UBE2D3: variants seen among roughly 807,000 people sequenced by gnomAD.
UBE2D3 encodes ubiquitin-conjugating enzyme E2 D3.
Under a neutral mutation model 22.8 loss-of-function variants are expected in UBE2D3, and 2 were observed. The observed-to-expected ratio is 0.09, with a 90% CI of 0.04 to 0.28. The LOEUF is 0.28. Ranked by LOEUF, UBE2D3 falls within the 10% of genes least tolerant of loss-of-function variation. The pLI, the probability that UBE2D3 is intolerant of heterozygous loss-of-function variation, is 1.00. For synonymous variants in UBE2D3, 56 were observed against 60.4 expected (o/e 0.93, Z 0.34); for missense variants, 27 against 182.5 (o/e 0.15, Z 4.91).
intron 1 of UBE2D3, among the ~76,000 whole-genome samples, chr4:102,838,248 C>G (rs1731530294): frequency 1.3e-5 from 2 of 152,142 alleles, no homozygotes; most frequent in South Asian, 4.1e-4. Flanking sequence ...CTGAGGTATG[C>G]TATACCTTTT....
At chr4:102,867,789 C>T (rs1361783927) in intron 1 of UBE2D3, among the ~76,000 whole-genome samples, 1 of 152,110 alleles carries the variant, frequency 6.6e-6, no homozygotes, top group Non-Finnish European at 1.5e-5. Context: ...AGAGCGAAAC[C>T]TTGTAACAAC....
At chr4:102,845,184 C>G (rs1456280824) in intron 1 of UBE2D3, among the ~76,000 whole-genome samples, 1 of 152,070 alleles carries the variant, frequency 6.6e-6, no homozygotes, top group African/African-American at 2.4e-5. Flanking sequence ...CCACTGCACT[C>G]CAGCCTGGGT....
chr4:102,798,866 A>C (rs908558566), intron 7 of UBE2D3: 2 of 1,487,636 alleles, frequency 1.3e-6, no homozygotes, highest in African/African-American at 2.8e-5. Context: ...GCCTTAACGC[A>C]TGCAGCACTC....
rs557758584 is a variant in UBE2D3 at position 102,815,234 on chromosome 4, G to A, written c.25-5379C>T. 2.5e-4 allele frequency among the ~76,000 whole-genome samples: 38 copies of A among 152,096 alleles called. No individual in the cohort carries two copies. The South Asian group carries it at 7.7e-3, about 31-fold the overall frequency. ...AATTTTTTGTATTTTTAGTAGAGAC[G>A]GGGTTTCACCATGTTGGCCACACTG... is the stretch of plus-strand genomic sequence containing the variant. On this transcript the variant is annotated intron_variant, in intron 2 of 7. Coordinates refer to ENST00000453744, the MANE Select transcript of UBE2D3 (RefSeq NM_181891.3).
At chr4:102,853,914 A>G (rs1732506856) in intron 1 of UBE2D3, among the ~76,000 whole-genome samples, 1 of 152,180 alleles carries the variant, frequency 6.6e-6, no homozygotes, top group Non-Finnish European at 1.5e-5. Flanking sequence ...TCTGAACACT[A>G]AATTAGAGGT....
In UBE2D3 at chr4:102,868,676, G is replaced by A. The variant is rs750489854; in HGVS notation, c.-129+39C>T. 3.7e-6 allele frequency: 6 copies of A among 1,613,706 alleles called. No individual in the cohort carries two copies. In the East Asian group the frequency reaches 1.3e-4, roughly 36 times the overall value. On this transcript the variant is annotated intron_variant, in intron 1 of 7. Coordinates refer to the UBE2D3 transcript ENST00000338145. Reference sequence around the variant, plus strand: ...CACCCAAACTGTAGGGGAAGAGGCGGGGCGAGAGGGGACGAAGTAGAGACA... The same window carrying A: ...CACCCAAACTGTAGGGGAAGAGGCGAGGCGAGAGGGGACGAAGTAGAGACA...
At chr4:102,814,270 T>A (rs900771413) in intron 2 of UBE2D3, among the ~76,000 whole-genome samples, 2 of 149,210 alleles carry the variant, frequency 1.3e-5, no homozygotes, top group Non-Finnish European at 3.0e-5. Context: ...TTTTGCAACT[T>A]AAATTATCCA....
In UBE2D3 at chr4:102,826,471, T is replaced by A; in HGVS notation, c.24+14A>T. The A allele has an allele frequency of 6.2e-7, 1 of 1,613,742 alleles. No individual in the cohort carries two copies. The highest frequency in any genetic ancestry group is 8.5e-7 in the Non-Finnish European group (1 of 1,179,936). ...TTTCTCCTACCACCCCATGCCCTTG[T>A]CCCCGCGGGTTACCTTATTAATCCG... On this transcript the variant is annotated intron_variant, in intron 2 of 7. Coordinates refer to ENST00000453744, the MANE Select transcript of UBE2D3 (RefSeq NM_181891.3).
chr4:102,825,501 A>G lies in UBE2D3; in HGVS notation c.24+984T>C, dbSNP rs545925673. On this transcript the variant is annotated intron_variant, in intron 2 of 7. Coordinates refer to ENST00000453744, the MANE Select transcript of UBE2D3 (RefSeq NM_181891.3). The stretch of plus-strand genomic sequence containing the variant: ...ACATTATTACGAAAGGAGATGCCGG[A>G]AAGAGCCTGAACCAGTTAAAGCAGC... The G allele has an allele frequency of 3.1e-5, 36 of 1,154,446 alleles. No homozygotes were observed. In the African/African-American group the frequency reaches 5.8e-4, roughly 19 times the overall value. The allele number at this position is 1,154,446 out of a possible 1,614,324, so 71.5% of individuals were successfully genotyped here.
chr4:102,841,045 G>A (rs189836941), intron 1 of UBE2D3, among the ~76,000 whole-genome samples: 2 of 151,988 alleles, frequency 1.3e-5, no homozygotes. Context: ...TAGCAATTTG[G>A]TATTAAACTG....
At chr4:102,857,131 GGT>G (rs2110374836) in intron 1 of UBE2D3, among the ~76,000 whole-genome samples, 1 of 152,206 alleles carries the variant, frequency 6.6e-6, no homozygotes, top group African/African-American at 2.4e-5. Context: ...TAGGAGAAAT[GGT>G]GTGTGTTGGG....
chr4:102,837,994 C>A (rs576834207), intron 1 of UBE2D3, among the ~76,000 whole-genome samples: 1 of 151,848 alleles, frequency 6.6e-6, no homozygotes, highest in Non-Finnish European at 1.5e-5. Flanking sequence ...TCTAAAATAG[C>A]TGTAGTCTCA....
intron 1 of UBE2D3, among the ~76,000 whole-genome samples, chr4:102,853,243 C>T (rs1010135895): frequency 1.3e-5 from 2 of 148,694 alleles, no homozygotes; most frequent in Non-Finnish European, 3.0e-5. Context: ...CCCGGGTTCA[C>T]GCCATTCTCC....
intron 2 of UBE2D3, chr4:102,813,121 A>T (rs1422513037): frequency 6.6e-6 from 1 of 152,172 alleles, no homozygotes; most frequent in Non-Finnish European, 1.5e-5. Context: ...TATCTTTTTT[A>T]AAAAATGAAG....
intron 4 of UBE2D3, 187 bp downstream of exon 4, chr4:102,809,485 G>C (rs1347358713): frequency 3.1e-6 from 2 of 645,156 alleles, no homozygotes; most frequent in African/African-American, 3.7e-5. Flanking sequence ...CACAGGGATA[G>C]ACACAAAGTA....
At chr4:102,809,501 AAC>A (rs1459101946) in intron 4 of UBE2D3, 169 bp downstream of exon 4, 7 of 715,532 alleles carry the variant, frequency 9.8e-6, no homozygotes, top group East Asian at 5.6e-5. Context: ...AAGTACACGT[AAC>A]AAATGACTAA....
chr4:102,827,495 G>A lies in UBE2D3; in HGVS notation c.-197C>T, dbSNP rs1730767222. 3.0e-6 allele frequency: 3 copies of A among 985,918 alleles called. No individual in the cohort carries two copies. Among genetic ancestry groups the A allele is most frequent in the Non-Finnish European group, 3.6e-6 (3 of 830,090 alleles). 61.1% of individuals were successfully genotyped at this position (985,918 alleles called of 1,614,324 possible). On this transcript the variant is annotated 5_prime_UTR_variant, in exon 1 of 8. Transcript: ENST00000453744. ...CCCGCGCGGCAGCTGGTGCCTCCCCGGCCCTACGGGGCTCACGCGCACGAC... is the reference window on the plus strand; with the variant it reads ...CCCGCGCGGCAGCTGGTGCCTCCCCAGCCCTACGGGGCTCACGCGCACGAC...
chr4:102,802,483 C>T (rs1726317219), intron 5 of UBE2D3, 78 bp downstream of exon 5: 2 of 1,225,980 alleles, frequency 1.6e-6, no homozygotes, highest in South Asian at 1.5e-5. Context: ...TACACAGAAC[C>T]CTATCTTCCA....
intron 5 of UBE2D3, 38 bp downstream of exon 5, chr4:102,802,522 AT>A (rs2110257705): frequency 1.3e-6 from 2 of 1,519,244 alleles, no homozygotes; most frequent in East Asian, 4.5e-5. Context: ...GAAATAAAGC[AT>A]AAATCTATAC....
Sources: gnomAD v4.1 joint callset for allele counts (sites outside exome capture counted in the v4.1 genomes callset) on GRCh38, gnomAD v4.1.1 for gene constraint, MANE v1.5 for transcripts, NCBI Gene and HGNC (gene_info 2026-07-23, HGNC 2026-07-21) for gene names.